ADTRP: variants seen among roughly 807,000 people sequenced by gnomAD.
ADTRP encodes the protein androgen dependent TFPI regulating protein.
ADTRP carries 20 observed loss-of-function variants against 27.0 expected under a neutral mutation model. The observed-to-expected ratio is 0.74, with a 90% confidence interval of 0.52 to 1.08. The LOEUF (loss-of-function observed/expected upper bound fraction) is 1.08. Ranked by LOEUF, ADTRP falls within the 50% of genes least tolerant of loss-of-function variation. The pLI is 0.00. For synonymous variants in ADTRP, 101 were observed against 105.2 expected, an observed-to-expected ratio of 0.96 and a Z score of 0.25; for missense variants, 251 against 275.0, an observed-to-expected ratio of 0.91 and a Z score of 0.62.
chr6:11,752,386 A>G (rs1267399563), intron 3 of ADTRP, among the ~76,000 whole-genome samples: 1 of 152,130 alleles, frequency 6.6e-6, no homozygotes, highest in Non-Finnish European at 1.5e-5. Context: ...CATTGGCATG[A>G]TTCAGAAGCA....
intron 3 of ADTRP, 138 bp from the exon 4 acceptor site, chr6:11,735,821 C>G (rs970630022): frequency 3.1e-6 from 2 of 639,410 alleles, no homozygotes; most frequent in Non-Finnish European, 5.6e-6. Flanking sequence ...CCTAGATGCC[C>G]AAGGACCTAC....
rs117711754 is a variant in ADTRP, at chr6:11,732,064, T to C, written c.506+3504A>G. On this transcript the variant is annotated intron_variant, in intron 4 of 5. Coordinates refer to ENST00000414691, the MANE Select transcript of ADTRP (RefSeq NM_032744.4). ...GTGAGCTACCATATTTAAAGGTGAC[T>C]AATGCTTTCCAAAGGAAATGAAAGC... 4.9e-4 allele frequency among the ~76,000 whole-genome samples: 74 copies of C among 152,312 alleles called. 1 individual carries two copies. The East Asian group carries it at 0.013, about 26-fold the overall frequency.
intron 3 of ADTRP, among the ~76,000 whole-genome samples, chr6:11,737,574 G>A (rs1762589842): frequency 6.6e-6 from 1 of 152,166 alleles, no homozygotes; most frequent in African/African-American, 2.4e-5. Flanking sequence ...ACCCACAGAT[G>A]ACCAGAAATG....
rs1360026249 is a variant in ADTRP, at chr6:11,738,831, T to C, written c.391-3148A>G. 2.0e-5 allele frequency among the ~76,000 whole-genome samples: 3 copies of C among 152,176 alleles called. No individual in the cohort carries two copies. In the East Asian group the frequency reaches 5.8e-4, roughly 29 times the overall value. On this transcript the variant is annotated intron_variant, in intron 3 of 5. Transcript: ENST00000414691. ...GTGATGTCATTAGTGATGGGCCATA[T>C]ACCTCGACTTCATCCTAGCTAAAAG...
intron 3 of ADTRP, among the ~76,000 whole-genome samples, chr6:11,743,995 T>C (rs1762792988): frequency 6.6e-6 from 1 of 152,218 alleles, no homozygotes; most frequent in Non-Finnish European, 1.5e-5. Context: ...CCAAATCTCA[T>C]GTTGAAATTT....
intron 3 of ADTRP, chr6:11,738,645 C>T (rs144823430): frequency 2.0e-5 from 3 of 152,342 alleles, no homozygotes; most frequent in Non-Finnish European, 4.4e-5. Context: ...GTAGTGTGTT[C>T]GCGTTAGGAG....
intron 5 of ADTRP, among the ~76,000 whole-genome samples, chr6:11,715,679 G>T (rs540283080): frequency 1.7e-3 from 235 of 136,634 alleles, no homozygotes; most frequent in African/African-American, 6.4e-3. Context: ...TTGAGACAAG[G>T]TCTTTGCCCA....
At position 11,714,400 on chromosome 6, in the gene ADTRP, C is replaced by G. The variant is rs1213156131; in HGVS notation, c.*78G>C. On this transcript the variant is annotated 3_prime_UTR_variant, in exon 6 of 6. Coordinates refer to ENST00000414691, the MANE Select transcript of ADTRP (RefSeq NM_032744.4). ...TGCTATGTTCCTCCACCACCTCCCT[C>G]CACCAGAAAAAAAAAAAAAAGATGA... is the stretch of plus-strand genomic sequence containing the variant. 3 of 1,449,452 alleles carry G rather than the reference C, an allele frequency of 2.1e-6. No homozygotes were observed. Among genetic ancestry groups the G allele is most frequent in the East Asian group, 2.3e-5 (1 of 43,152 alleles). The allele number at this position is 1,449,452 out of a possible 1,614,324, so 89.8% of individuals were successfully genotyped here. A position where few individuals can be genotyped will look rare whatever the true frequency, so the allele number is the denominator to read the frequency against.
intron 3 of ADTRP, among the ~76,000 whole-genome samples, chr6:11,737,085 T>C (rs1349012069): frequency 6.7e-6 from 1 of 150,014 alleles, no homozygotes; most frequent in East Asian, 2.5e-4. Context: ...CCTGCTCCCA[T>C]CTTGGGTTAT....
intron 5 of ADTRP, among the ~76,000 whole-genome samples, chr6:11,716,789 A>G (rs1581301370): frequency 6.9e-6 from 1 of 144,042 alleles, no homozygotes; most frequent in East Asian, 2.0e-4. Flanking sequence ...ATCTTGGCTC[A>G]CTGCAACCTC....
chr6:11,733,086 A>T (rs1186537860), intron 4 of ADTRP, among the ~76,000 whole-genome samples: 1 of 152,158 alleles, frequency 6.6e-6, no homozygotes, highest in Non-Finnish European at 1.5e-5. Context: ...TAGTTTTCCA[A>T]TGCTAAGTCA....
intron 5 of ADTRP, among the ~76,000 whole-genome samples, chr6:11,722,376 T>G (rs1040100960): frequency 1.1e-4 from 16 of 151,914 alleles, no homozygotes; most frequent in Admixed American, 3.3e-4. Flanking sequence ...AACTGTCAGG[T>G]TTTTTTTGCA....
In ADTRP at chr6:11,768,397, A is replaced by G. The variant is rs1356516696; in HGVS notation, c.154-14T>C. 6.2e-7 allele frequency: 1 copy of G among 1,613,552 alleles called. No homozygotes were observed. The highest frequency in any genetic ancestry group is 1.1e-5 in the South Asian group (1 of 90,926). ...GGTCTGCAAGAGCTAAATCCATTAC[A>G]ACAAATGAGGGCATTTTCATTTACT... On this transcript the variant is annotated splice_polypyrimidine_tract_variant and intron_variant, in intron 1 of 5. Transcript: ENST00000414691.
At chr6:11,738,029 C>T (rs2113908568) in intron 3 of ADTRP, among the ~76,000 whole-genome samples, 1 of 152,280 alleles carries the variant, frequency 6.6e-6, no homozygotes, top group South Asian at 2.1e-4. Context: ...AAAATGGGGA[C>T]AATAAATAGT....
intron 3 of ADTRP, among the ~76,000 whole-genome samples, chr6:11,747,570 C>T (rs1762907115): frequency 6.6e-6 from 1 of 152,194 alleles, no homozygotes; most frequent in African/African-American, 2.4e-5. Flanking sequence ...TGTTAAAACT[C>T]CAAATTCCAT....
Position 11,714,331 on chromosome 6 carries a change from A to C in ADTRP, c.*147T>G, listed in dbSNP as rs886306230. 1.1e-6 allele frequency: 1 copy of C among 903,506 alleles called. No homozygotes were observed. The highest frequency in any genetic ancestry group is 1.7e-6 in the Non-Finnish European group (1 of 600,676). The allele number at this position is 903,506 out of a possible 1,614,324, so 56.0% of individuals were successfully genotyped here. A position where few individuals can be genotyped will look rare whatever the true frequency, so the allele number is the denominator to read the frequency against. Reference sequence around the variant, plus strand: ...GTTCTCAAGTTAAGCTACCTTCACGAACCTCTTATTAAATTTAAGTATCAC... The same window carrying C: ...GTTCTCAAGTTAAGCTACCTTCACGCACCTCTTATTAAATTTAAGTATCAC... On this transcript the variant is annotated 3_prime_UTR_variant, in exon 6 of 6. Transcript: ENST00000414691.
rs145096274 is a variant in ADTRP at position 11,723,477 on chromosome 6, G to A, written c.530C>T (p.Thr177Met). The A allele has an allele frequency of 3.3e-5, 53 of 1,613,940 alleles. No homozygotes were observed. The highest frequency in any genetic ancestry group is 8.0e-5 in the African/African-American group (6 of 74,878). ...ISRILWLYFE[T>M]GTWVYPVFAK... ...AAACACAGGATACACCCAGGTACCC[G>A]TCTCAAAGTAGAGCCATAGGATGCT... Residue 177 changes from threonine to methionine, a missense_variant, in exon 5 of 6, where the codon ACG becomes ATG. By Grantham distance (81) the Thr-to-Met change is moderately conservative. Coordinates refer to ENST00000414691, the MANE Select transcript of ADTRP (RefSeq NM_032744.4).
intron 1 of ADTRP, among the ~76,000 whole-genome samples, chr6:11,775,701 C>T (rs1208900862): frequency 7.2e-5 from 11 of 152,132 alleles, no homozygotes; most frequent in Admixed American, 6.5e-4. Context: ...CAGTGCAACT[C>T]GTGTCTGTCT....
chr6:11,719,177 A>T (rs1396055740), intron 5 of ADTRP, among the ~76,000 whole-genome samples: 2 of 152,342 alleles, frequency 1.3e-5, no homozygotes, highest in South Asian at 4.1e-4. Flanking sequence ...GGAGGAGTCC[A>T]GGGTCCTGAG....
Sources: gnomAD v4.1 joint callset for allele counts (sites outside exome capture counted in the v4.1 genomes callset) on GRCh38, gnomAD v4.1.1 for gene constraint, MANE v1.5 for transcripts, NCBI Gene and HGNC (gene_info 2026-07-23, HGNC 2026-07-21) for gene names.